The following GULP1 variants were observed in gnomAD, a reference collection of about 807,000 sequenced individuals.
The protein encoded by GULP1 is GULP PTB domain containing engulfment adaptor 1.
Under a neutral mutation model 40.9 loss-of-function variants are expected in GULP1, and 19 were observed. The observed-to-expected ratio is 0.46, with a 90% CI of 0.32 to 0.68. The LOEUF is 0.68. Among genes scored for constraint, GULP1 ranks in the 30% least tolerant of loss-of-function variants. The pLI, the probability that GULP1 is intolerant of heterozygous loss-of-function variation, is 0.03. For missense variants in GULP1, 312 were observed against 362.2 expected, an observed-to-expected ratio of 0.86 and a Z score of 1.12; for synonymous variants, 119 against 117.6, an observed-to-expected ratio of 1.01 and a Z score of -0.08.
chr2:188,293,238 C>G, intron 1 of GULP1: 1 of 152,218 alleles, frequency 6.6e-6, no homozygotes, highest in South Asian at 2.1e-4. Flanking sequence ...TGTTTCCCAA[C>G]TGAGCTCGCC....
intron 4 of GULP1, among the ~76,000 whole-genome samples, chr2:188,505,096 G>A (rs1313072621): frequency 6.6e-6 from 1 of 151,578 alleles, no homozygotes; most frequent in Non-Finnish European, 1.5e-5. Context: ...ATTTGAGGAA[G>A]GAACCCCTGG....
intron 4 of GULP1, among the ~76,000 whole-genome samples, chr2:188,511,967 A>G (rs1023745648): frequency 6.6e-6 from 1 of 152,128 alleles, no homozygotes; most frequent in Non-Finnish European, 1.5e-5. Flanking sequence ...TTTGATTAAT[A>G]AGTTTAAATC....
intron 7 of GULP1, among the ~76,000 whole-genome samples, chr2:188,568,086 T>C (rs147794236): frequency 1.8e-4 from 27 of 152,224 alleles, no homozygotes; most frequent in African/African-American, 6.5e-4. Context: ...TTGCATTTTT[T>C]AGTTAACTAG....
chr2:188,554,089 A>G (rs1292016725), intron 7 of GULP1, among the ~76,000 whole-genome samples: 1 of 151,610 alleles, frequency 6.6e-6, no homozygotes, highest in Admixed American at 6.6e-5. Flanking sequence ...CTTATTTCAA[A>G]GAACCAATTT....
chr2:188,567,977 A>G (rs935505258), intron 7 of GULP1, among the ~76,000 whole-genome samples: 2 of 152,034 alleles, frequency 1.3e-5, no homozygotes, highest in African/African-American at 4.8e-5. Context: ...TGTCATTTTC[A>G]TTTATTTGGT....
At chr2:188,564,908 AT>A (rs1016803574) in intron 7 of GULP1, among the ~76,000 whole-genome samples, 14 of 151,832 alleles carry the variant, frequency 9.2e-5, no homozygotes, top group East Asian at 3.9e-4. Flanking sequence ...TACATGGTTA[AT>A]TTTTTTTCCC....
At chr2:188,398,897 A>G (rs1016691740) in intron 2 of GULP1, among the ~76,000 whole-genome samples, 3 of 152,230 alleles carry the variant, frequency 2.0e-5, no homozygotes, top group Non-Finnish European at 4.4e-5. Flanking sequence ...TTGCATTAAT[A>G]TCTACAATGC....
At chr2:188,535,677 A>G (rs1688751978) in intron 6 of GULP1, among the ~76,000 whole-genome samples, 1 of 151,968 alleles carries the variant, frequency 6.6e-6, no homozygotes, top group African/African-American at 2.4e-5. Flanking sequence ...TGGTAGAAAG[A>G]TTTGTCTTTT....
Position 188,555,697 on chromosome 2 carries a change from G to A in GULP1, c.400-13542G>A, listed in dbSNP as rs78449314. Among the ~76,000 whole-genome samples, 564 of 152,040 alleles carry A rather than the reference G, an allele frequency of 3.7e-3. 5 individuals carry two copies. Among genetic ancestry groups the A allele is most frequent in the African/African-American group, 0.013 (529 of 41,456 alleles). On this transcript the variant is annotated intron_variant, in intron 7 of 11. Transcript: ENST00000409830. ...AATGTGCGATGGTGACTGCCTTTTC[G>A]TTTTGTATCTGCTTAGGGATCATTG...
intron 2 of GULP1, among the ~76,000 whole-genome samples, chr2:188,451,020 C>G (rs912122105): frequency 3.3e-5 from 5 of 152,202 alleles, no homozygotes; most frequent in Non-Finnish European, 5.9e-5. Flanking sequence ...GTATATGCTA[C>G]CATTTAAACT....
chr2:188,521,555 A>C (rs1435438454), intron 4 of GULP1, among the ~76,000 whole-genome samples: 1 of 152,180 alleles, frequency 6.6e-6, no homozygotes, highest in Non-Finnish European at 1.5e-5. Context: ...ACATGGCAGC[A>C]GGCAAGAGAG....
At chr2:188,569,889 C>A (rs1314761961) in intron 8 of GULP1, 139 bp from the exon 9 acceptor site, 7 of 522,602 alleles carry the variant, frequency 1.3e-5, no homozygotes, top group Non-Finnish European at 2.4e-5. Context: ...ATTTCCCAAG[C>A]TTTATCAAAC....
chr2:188,395,038 C>T (rs2051039659), intron 2 of GULP1, among the ~76,000 whole-genome samples: 1 of 152,106 alleles, frequency 6.6e-6, no homozygotes, highest in Non-Finnish European at 1.5e-5. Context: ...GAAGGTTTCC[C>T]TGGGTAGAAA....
chr2:188,326,930 G>A (rs1041420906), intron 1 of GULP1, among the ~76,000 whole-genome samples: 3 of 152,072 alleles, frequency 2.0e-5, no homozygotes, highest in Admixed American at 2.0e-4. Context: ...CAAGGCATCG[G>A]TCTGTGGTGG....
intron 2 of GULP1, among the ~76,000 whole-genome samples, chr2:188,467,297 AT>A (rs1363890785): frequency 6.6e-6 from 1 of 151,978 alleles, no homozygotes; most frequent in Non-Finnish European, 1.5e-5. Context: ...AGTGTTGCAT[AT>A]TTTCTCTCTG....
At chr2:188,584,537 A>G in intron 10 of GULP1, 134 bp downstream of exon 10, 1 of 415,582 alleles carries the variant, frequency 2.4e-6, no homozygotes, top group Non-Finnish European at 4.2e-6. Flanking sequence ...TTATTTTTAT[A>G]TTTGTATAAA....
chr2:188,469,660 T>G (rs1035589648), intron 2 of GULP1, among the ~76,000 whole-genome samples: 4 of 152,190 alleles, frequency 2.6e-5, no homozygotes, highest in African/African-American at 9.7e-5. Flanking sequence ...CTTTCAGTCT[T>G]TCTTCATTTA....
intron 2 of GULP1, among the ~76,000 whole-genome samples, chr2:188,471,081 T>A (rs909721115): frequency 7.2e-5 from 11 of 152,194 alleles, no homozygotes; most frequent in Admixed American, 7.2e-4. Flanking sequence ...TCTTGCTGAA[T>A]TGACCACTTC....
intron 6 of GULP1, among the ~76,000 whole-genome samples, chr2:188,537,295 G>A (rs72896824): frequency 0.012 from 1,833 of 151,932 alleles, 16 homozygotes; most frequent in East Asian, 0.023. Flanking sequence ...AGCTTTTGCC[G>A]GTTCAGTATT....
Sources: allele counts gnomAD v4.1 joint callset (sites outside exome capture counted in the v4.1 genomes callset), GRCh38; gene constraint gnomAD v4.1.1; transcripts MANE v1.5; gene names NCBI Gene and HGNC (gene_info 2026-07-23, HGNC 2026-07-21).